SORCS1: variants seen among roughly 807,000 people sequenced by gnomAD.
The protein encoded by SORCS1 is VPS10 domain-containing receptor SorCS1.
SORCS1 carries 60 observed loss-of-function variants against 146.1 expected under a neutral mutation model. That is an observed-to-expected ratio of 0.41 (90% confidence interval 0.33 to 0.51). The LOEUF (loss-of-function observed/expected upper bound fraction) is 0.51. SORCS1 is among the 20% of genes least tolerant of loss of function. The pLI is 0.21. For missense variants in SORCS1, 1,352 were observed against 1,487.6 expected (o/e 0.91, Z 1.50); for synonymous variants, 637 against 584.0 (o/e 1.09, Z -1.31).
At chr10:107,124,011 T>C (rs56204261) in intron 1 of SORCS1, among the ~76,000 whole-genome samples, 43,386 of 148,646 alleles carry the variant, frequency 0.29, 8,098 homozygotes, top group Middle Eastern at 0.43. Context: ...GGCATGAACC[T>C]GGGAGGCGGA....
chr10:106,923,572 T>A (rs1952830875), intron 2 of SORCS1, among the ~76,000 whole-genome samples: 1 of 152,236 alleles, frequency 6.6e-6, no homozygotes, highest in Non-Finnish European at 1.5e-5. Context: ...CCACTCTGCA[T>A]TTCCACCAGT....
At chr10:107,170,836 G>A in the SORCS1 span, among the ~76,000 whole-genome samples, 41 of 152,186 alleles carry the variant, frequency 2.7e-4, no homozygotes, top group Non-Finnish European at 3.2e-4. Flanking sequence ...AAGAGAGGCG[G>A]TCAAAGGCAC....
At position 106,601,182 on chromosome 10, in the gene SORCS1, G is replaced by A. The variant is rs1348898411; in HGVS notation, c.3166-3732C>T. ...AGAAGAAAAACACTTGCCTGATAGA[G>A]ACTCAAGTGAAATACTGTGTGATTT... On this transcript the variant is annotated intron_variant, in intron 23 of 25. Coordinates refer to ENST00000263054, the MANE Select transcript of SORCS1 (RefSeq NM_052918.5). Among the ~76,000 whole-genome samples the A allele has an allele frequency of 2.0e-5, 3 of 152,354 alleles. No individual in the cohort carries two copies. In the East Asian group the frequency reaches 5.8e-4, roughly 29 times the overall value.
At chr10:106,629,180 A>G (rs1349991187) in intron 19 of SORCS1, 22 bp downstream of exon 19, 3 of 1,601,242 alleles carry the variant, frequency 1.9e-6, no homozygotes, top group Non-Finnish European at 2.6e-6. Flanking sequence ...TAGGTCATAA[A>G]CCAACAACAG....
intron 18 of SORCS1, among the ~76,000 whole-genome samples, chr10:106,631,668 A>C (rs1447097256): frequency 6.6e-6 from 1 of 152,188 alleles, no homozygotes; most frequent in Admixed American, 6.5e-5. Context: ...AGGGGCCATC[A>C]TTTGCTAAAG....
intron 9 of SORCS1, among the ~76,000 whole-genome samples, chr10:106,692,419 A>G (rs764347860): frequency 1.3e-5 from 2 of 152,094 alleles, no homozygotes; most frequent in Non-Finnish European, 2.9e-5. Context: ...TAGAAGGTAC[A>G]ACACCCAAGC....
At chr10:106,710,072 C>T (rs1307129008) in intron 6 of SORCS1, among the ~76,000 whole-genome samples, 2 of 152,174 alleles carry the variant, frequency 1.3e-5, no homozygotes, top group Non-Finnish European at 2.9e-5. Context: ...TACATCTAAT[C>T]ATTCATCATC....
At chr10:106,652,994 T>C (rs1404865609) in intron 17 of SORCS1, among the ~76,000 whole-genome samples, 5 of 152,126 alleles carry the variant, frequency 3.3e-5, no homozygotes, top group Admixed American at 3.3e-4. Flanking sequence ...TTATGATAGA[T>C]ATATGACTCA....
chr10:106,610,746 C>T (rs937761277), intron 22 of SORCS1, among the ~76,000 whole-genome samples: 24 of 152,168 alleles, frequency 1.6e-4, no homozygotes, highest in African/African-American at 5.8e-4. Flanking sequence ...GCTCAAGCTG[C>T]CCCATGAGCG....
At chr10:106,585,962 T>G (rs1413421634) in intron 24 of SORCS1, among the ~76,000 whole-genome samples, 1 of 152,100 alleles carries the variant, frequency 6.6e-6, no homozygotes, top group Non-Finnish European at 1.5e-5. Context: ...CAACAACCCA[T>G]AGCTGATTGC....
intron 21 of SORCS1, among the ~76,000 whole-genome samples, chr10:106,612,982 C>A (rs954444712): frequency 6.7e-6 from 1 of 149,070 alleles, no homozygotes; most frequent in African/African-American, 2.5e-5. Flanking sequence ...CACTACCCTC[C>A]CCCGGCTCAC....
At chr10:107,051,664 A>G (rs1164230668) in intron 1 of SORCS1, among the ~76,000 whole-genome samples, 1 of 152,158 alleles carries the variant, frequency 6.6e-6, no homozygotes, top group African/African-American at 2.4e-5. Flanking sequence ...TTTTAGTGTT[A>G]TGATGCTGCT....
chr10:106,699,420 AGGG>A, intron 8 of SORCS1, 27 bp from the exon 9 acceptor site: 1 of 1,577,300 alleles, frequency 6.3e-7, no homozygotes. Context: ...GGTCGTGAAG[AGGG>A]AAAAAGAGTT....
intron 3 of SORCS1, among the ~76,000 whole-genome samples, chr10:106,818,034 G>A (rs1254099478): frequency 3.9e-5 from 6 of 152,174 alleles, no homozygotes; most frequent in African/African-American, 7.2e-5. Flanking sequence ...GGTAAACTCC[G>A]TAAGAGCAAA....
In SORCS1 at chr10:106,802,477, A is replaced by G. The variant is rs1463533522; in HGVS notation, c.727-25785T>C. On this transcript the variant is annotated intron_variant, in intron 3 of 25. Coordinates refer to ENST00000263054, the MANE Select transcript of SORCS1 (RefSeq NM_052918.5). ...CTCCAGAGTAGCCAGGATTACAGACATGAGCCACTAAACCCAGCTAATTTT... is the reference window on the plus strand; with the variant it reads ...CTCCAGAGTAGCCAGGATTACAGACGTGAGCCACTAAACCCAGCTAATTTT... Among the ~76,000 whole-genome samples the G allele has an allele frequency of 2.7e-5, 4 of 150,196 alleles. No homozygotes were observed. In the East Asian group the frequency reaches 5.9e-4, roughly 22 times the overall value.
At chr10:107,026,307 G>A (rs1958400533) in intron 1 of SORCS1, among the ~76,000 whole-genome samples, 1 of 152,150 alleles carries the variant, frequency 6.6e-6, no homozygotes, top group Non-Finnish European at 1.5e-5. Context: ...TTGTAGTAGA[G>A]GCTACTCCTA....
At chr10:106,994,127 G>A (rs1261574144) in intron 1 of SORCS1, among the ~76,000 whole-genome samples, 1 of 145,964 alleles carries the variant, frequency 6.9e-6, no homozygotes, top group African/African-American at 2.5e-5. Flanking sequence ...CATGGTCTTA[G>A]TAAAAACAAT....
chr10:107,143,830 T>G (rs1417427902), intron 1 of SORCS1, among the ~76,000 whole-genome samples: 1 of 151,850 alleles, frequency 6.6e-6, no homozygotes, highest in Non-Finnish European at 1.5e-5. Context: ...TTTGTAGAGA[T>G]GAGGTTTCAC....
chr10:106,870,932 G>A (rs1444810690), intron 2 of SORCS1, among the ~76,000 whole-genome samples: 1 of 152,126 alleles, frequency 6.6e-6, no homozygotes, highest in Non-Finnish European at 1.5e-5. Context: ...CAGAATGGGA[G>A]AAAATATTTG....
Sources: gnomAD v4.1 joint callset for allele counts (sites outside exome capture counted in the v4.1 genomes callset) on GRCh38, gnomAD v4.1.1 for gene constraint, MANE v1.5 for transcripts, NCBI Gene and HGNC (gene_info 2026-07-23, HGNC 2026-07-21) for gene names.